ILDR1: variants seen among roughly 807,000 people sequenced by gnomAD.
ILDR1 encodes the protein immunoglobulin like domain containing receptor 1, also known as immunoglobulin-like domain-containing receptor 1.
In ILDR1, 56 loss-of-function variants were observed where a neutral mutation model predicts 62.4. That is an observed-to-expected ratio of 0.90 (90% CI 0.72 to 1.12). ILDR1 has a LOEUF of 1.12. ILDR1 is among the 50% of genes most tolerant of loss of function. The pLI, the probability that ILDR1 is intolerant of heterozygous loss-of-function variation, is 0.00. For missense variants in ILDR1, 736 were observed against 710.6 expected (o/e 1.04, Z -0.41); for synonymous variants, 284 against 277.8 (o/e 1.02, Z -0.22).
chr3:121,997,124 C>T (rs142646242), intron 5 of ILDR1, among the ~76,000 whole-genome samples: 7 of 152,306 alleles, frequency 4.6e-5, no homozygotes, highest in Admixed American at 2.6e-4. Flanking sequence ...TGGTTTTGAA[C>T]TCCTGACCTC....
chr3:122,020,108 G>A (rs1559884355), intron 1 of ILDR1, among the ~76,000 whole-genome samples: 1 of 152,142 alleles, frequency 6.6e-6, no homozygotes, highest in Non-Finnish European at 1.5e-5. Flanking sequence ...TTAGCCATAG[G>A]GGAAGGAGGA....
At chr3:122,041,341 C>G in the ILDR1 span, among the ~76,000 whole-genome samples, 1 of 152,134 alleles carries the variant, frequency 6.6e-6, no homozygotes, top group Non-Finnish European at 1.5e-5. Context: ...TGAATTAGGT[C>G]CCTTTTTGTT....
At chr3:122,037,545 G>A in the ILDR1 span, among the ~76,000 whole-genome samples, 5 of 152,280 alleles carry the variant, frequency 3.3e-5, no homozygotes, top group East Asian at 7.7e-4. Context: ...TTTACCCAAG[G>A]CCTGTACCCC....
chr3:121,988,251 A>G lies in ILDR1; in HGVS notation c.*116T>C. ...TTCTTCTATTTGATTCTCAGAATCTAAGCCAAAAACTGTTAGACTCAGACT... is the reference window on the plus strand; with the variant it reads ...TTCTTCTATTTGATTCTCAGAATCTGAGCCAAAAACTGTTAGACTCAGACT... On this transcript the variant is annotated 3_prime_UTR_variant, in exon 8 of 8. Transcript: ENST00000344209. 1 of 860,124 alleles carries G rather than the reference A, an allele frequency of 1.2e-6. No individual in the cohort carries two copies. Among genetic ancestry groups the G allele is most frequent in the Non-Finnish European group, 2.0e-6 (1 of 498,802 alleles). 53.3% of individuals were successfully genotyped at this position (860,124 alleles called of 1,614,324 possible).
rs2071377036 is a variant in ILDR1 at position 121,993,193 on chromosome 3, G to T, written c.1556C>A (p.Pro519Gln). 1.9e-6 allele frequency: 3 copies of T among 1,613,278 alleles called. No individual in the cohort carries two copies. The highest frequency in any genetic ancestry group is 2.5e-6 in the Non-Finnish European group (3 of 1,179,672). Residue 519 changes from proline to glutamine, a missense_variant, in exon 7 of 8, where the codon CCA (proline) becomes CAA (glutamine). By Grantham distance (76) the Pro-to-Gln change is moderately conservative (BLOSUM62 -1). Coordinates refer to ENST00000344209, the MANE Select transcript of ILDR1 (RefSeq NM_001199799.2). ...PPSYRSLDITPGKNSRKKGSV... is the reference protein window; with the variant it reads ...PPSYRSLDITQGKNSRKKGSV... ...CCCTTTTTTCCTGCTATTCTTGCCT[G>T]GAGTGATATCAAGTGAGCGGTAGCT... is the stretch of plus-strand genomic sequence containing the variant.
the ILDR1 span, among the ~76,000 whole-genome samples, chr3:122,044,422 C>T: frequency 6.9e-6 from 1 of 145,268 alleles, no homozygotes; most frequent in Non-Finnish European, 1.5e-5. Context: ...CAGAATGATG[C>T]TGGCCTCATA....
chr3:122,039,671 A>G, the ILDR1 span, among the ~76,000 whole-genome samples: 1 of 152,098 alleles, frequency 6.6e-6, no homozygotes, highest in Non-Finnish European at 1.5e-5. Flanking sequence ...AATATGATGT[A>G]TAATATGGGT....
the ILDR1 span, among the ~76,000 whole-genome samples, chr3:122,045,985 C>T: frequency 1.5e-3 from 224 of 147,362 alleles, no homozygotes; most frequent in African/African-American, 5.3e-3. Context: ...TTATTTTGCT[C>T]GTTAGTTGAT....
At chr3:121,998,348 C>G (rs564629168) in intron 5 of ILDR1, among the ~76,000 whole-genome samples, 131 of 152,326 alleles carry the variant, frequency 8.6e-4, no homozygotes, top group South Asian at 1.7e-3. Flanking sequence ...AACAATAACT[C>G]CTTACTCCTC....
the ILDR1 span, among the ~76,000 whole-genome samples, chr3:122,046,279 G>A: frequency 6.7e-5 from 10 of 149,822 alleles, no homozygotes; most frequent in South Asian, 2.1e-4. Context: ...GGTTTCTGCC[G>A]AGAGATCCGC....
the ILDR1 span, among the ~76,000 whole-genome samples, chr3:122,061,042 C>T: frequency 6.6e-6 from 1 of 152,080 alleles, no homozygotes; most frequent in Admixed American, 6.5e-5. Flanking sequence ...AGCCAAACAA[C>T]CCTAATGTCA....
At chr3:122,048,828 G>C in the ILDR1 span, among the ~76,000 whole-genome samples, 1 of 151,954 alleles carries the variant, frequency 6.6e-6, no homozygotes, top group South Asian at 2.1e-4. Context: ...TAGAGACAGG[G>C]TCTTGCTACG....
the ILDR1 span, among the ~76,000 whole-genome samples, chr3:122,051,475 A>G: frequency 6.6e-6 from 1 of 151,860 alleles, no homozygotes; most frequent in African/African-American, 2.4e-5. Context: ...CAAAATTTCT[A>G]TTTGGTTCCT....
At chr3:122,001,531 G>A in intron 4 of ILDR1, 77 bp from the exon 5 acceptor site, 1 of 1,557,032 alleles carries the variant, frequency 6.4e-7, no homozygotes, top group Non-Finnish European at 8.9e-7. Flanking sequence ...ATATCCTAGA[G>A]GTCTCATAAA....
In ILDR1 at chr3:121,992,455, T is replaced by C. The variant is rs1170623685; in HGVS notation, c.1599+695A>G. Among the ~76,000 whole-genome samples, 10 of 152,302 alleles carry C rather than the reference T, an allele frequency of 6.6e-5. No homozygotes were observed. The East Asian group carries it at 1.9e-3, about 29-fold the overall frequency. The stretch of plus-strand genomic sequence containing the variant: ...ACCCAGCCCCAAATAATTTTTAAAG[T>C]CACTTCTTTAAAAAAATACAAAAGA... On this transcript the variant is annotated intron_variant, in intron 7 of 7. Transcript: ENST00000344209.
At chr3:121,997,155 C>T (rs1327700139) in intron 5 of ILDR1, among the ~76,000 whole-genome samples, 2 of 152,182 alleles carry the variant, frequency 1.3e-5, no homozygotes, top group African/African-American at 4.8e-5. Context: ...CCTGCCTCGG[C>T]CTCCCAAAGT....
At chr3:122,004,132 A>G (rs2071568672) in intron 3 of ILDR1, among the ~76,000 whole-genome samples, 1 of 152,190 alleles carries the variant, frequency 6.6e-6, no homozygotes, top group Non-Finnish European at 1.5e-5. Flanking sequence ...ATATTCACTG[A>G]TTCCTTGATA....
intron 1 of ILDR1, among the ~76,000 whole-genome samples, chr3:122,010,874 G>T (rs2071693271): frequency 6.6e-6 from 1 of 152,132 alleles, no homozygotes; most frequent in Non-Finnish European, 1.5e-5. Context: ...TACTAAATGT[G>T]ATACCTGGGA....
upstream of ILDR1, among the ~76,000 whole-genome samples, chr3:122,026,545 C>T (rs138880643): frequency 5.9e-5 from 9 of 152,108 alleles, no homozygotes; most frequent in Non-Finnish European, 8.8e-5. Flanking sequence ...AGACACATTG[C>T]GCTAGAGAGT....
Sources: allele counts gnomAD v4.1 joint callset (sites outside exome capture counted in the v4.1 genomes callset), GRCh38; gene constraint gnomAD v4.1.1; transcripts MANE v1.5; gene names NCBI Gene and HGNC (gene_info 2026-07-23, HGNC 2026-07-21).